CDC14A: variants seen among roughly 807,000 people sequenced by gnomAD.
CDC14A encodes the protein dual specificity protein phosphatase CDC14A.
Under a neutral mutation model 74.4 loss-of-function variants are expected in CDC14A, and 53 were observed. The observed-to-expected ratio is 0.71, with a 90% confidence interval of 0.57 to 0.89. CDC14A has a LOEUF of 0.89. Ranked by LOEUF, CDC14A falls within the 40% of genes least tolerant of loss-of-function variation. The pLI is 0.00. For synonymous variants in CDC14A, 247 were observed against 258.4 expected (o/e 0.96, Z 0.43); for missense variants, 646 against 713.7 (o/e 0.91, Z 1.08).
At chr1:100,495,569 G>A (rs1221865730) in intron 12 of CDC14A, among the ~76,000 whole-genome samples, 1 of 152,054 alleles carries the variant, frequency 6.6e-6, no homozygotes, top group African/African-American at 2.4e-5. Flanking sequence ...CAATATACTG[G>A]GTGGCAAGGC....
At chr1:100,507,494 C>A (rs1649340412) in intron 15 of CDC14A, among the ~76,000 whole-genome samples, 1 of 151,140 alleles carries the variant, frequency 6.6e-6, no homozygotes, top group Admixed American at 6.6e-5. Flanking sequence ...GAGAGAGTGT[C>A]TTGCTATGTT....
At position 100,353,771 on chromosome 1, in the gene CDC14A, A is replaced by G; in HGVS notation, c.59A>G (p.Tyr20Cys). The G allele has an allele frequency of 6.3e-7, 1 of 1,578,394 alleles. No individual in the cohort carries two copies. The highest frequency in any genetic ancestry group is 1.1e-5 in the South Asian group (1 of 89,122). ...TAAACTTGTCTTTCAGATCGGTTATATTTTGCTACTTTAAGGAATAGACCA... is the reference window on the plus strand; with the variant it reads ...TAAACTTGTCTTTCAGATCGGTTATGTTTTGCTACTTTAAGGAATAGACCA... The part of the protein sequence containing the change: ...GACEFMKDRL[Y>C]FATLRNRPKS... The change falls in exon 2 of 16, where the codon TAT becomes TGT. Residue 20 changes from tyrosine to cysteine, a missense_variant. By Grantham distance (194) the Tyr-to-Cys change is radical. Coordinates refer to ENST00000336454, the MANE Select transcript of CDC14A (RefSeq NM_003672.4).
intron 7 of CDC14A, 30 bp downstream of exon 7, chr1:100,443,026 A>G: frequency 7.2e-7 from 1 of 1,397,180 alleles, no homozygotes; most frequent in Non-Finnish European, 1.0e-6. Flanking sequence ...TTTACAAAAC[A>G]TAATTTCATG....
At chr1:100,391,040 C>A (rs1337953719) in intron 4 of CDC14A, 2 of 583,846 alleles carry the variant, frequency 3.4e-6, no homozygotes, top group Non-Finnish European at 6.3e-6. Context: ...AATCTTGAAA[C>A]TGCAATATGT....
chr1:100,499,598 C>A, intron 15 of CDC14A: 1 of 611,738 alleles, frequency 1.6e-6, no homozygotes, highest in Non-Finnish European at 2.6e-6. Context: ...TGTTTCCAAT[C>A]ACTCTGAATA....
chr1:100,428,714 A>G (rs1051772661), intron 5 of CDC14A, among the ~76,000 whole-genome samples: 5 of 152,206 alleles, frequency 3.3e-5, no homozygotes, highest in African/African-American at 1.2e-4. Context: ...TGCTCACAAA[A>G]CAGTATTTGT....
intron 5 of CDC14A, among the ~76,000 whole-genome samples, chr1:100,432,125 G>T (rs563505392): frequency 2.0e-5 from 3 of 152,240 alleles, no homozygotes; most frequent in Admixed American, 2.0e-4. Flanking sequence ...TTAGGTACAG[G>T]TCACGTTCAA....
At chr1:100,390,879 C>T (rs778332362) in intron 4 of CDC14A, 55 bp downstream of exon 4, 9 of 1,280,688 alleles carry the variant, frequency 7.0e-6, no homozygotes, top group Admixed American at 1.7e-5. Context: ...AATGCTAACA[C>T]TGTCAAAGAA....
At chr1:100,497,495 T>C (rs1194046025) in intron 13 of CDC14A, among the ~76,000 whole-genome samples, 2 of 152,196 alleles carry the variant, frequency 1.3e-5, no homozygotes. Flanking sequence ...ATTTAAACAG[T>C]GAAGTGACAT....
intron 2 of CDC14A, among the ~76,000 whole-genome samples, chr1:100,375,695 T>C (rs1229798992): frequency 7.2e-5 from 11 of 152,218 alleles, no homozygotes; most frequent in Non-Finnish European, 2.9e-5. Flanking sequence ...TTTACACTGT[T>C]GGTAGGACTG....
chr1:100,462,464 T>C, intron 8 of CDC14A, 187 bp from the exon 9 acceptor site: 1 of 585,276 alleles, frequency 1.7e-6, no homozygotes, highest in Admixed American at 3.0e-5. Flanking sequence ...CTTTTTAACC[T>C]CCTGTGGTGC....
intron 4 of CDC14A, among the ~76,000 whole-genome samples, chr1:100,420,616 G>A (rs569219614): frequency 1.1e-4 from 16 of 152,026 alleles, no homozygotes; most frequent in African/African-American, 3.1e-4. Context: ...ACTCAGTGGC[G>A]GGTTTTCCCA....
intron 2 of CDC14A, among the ~76,000 whole-genome samples, chr1:100,373,550 T>TA (rs202119985): frequency 2.0e-5 from 3 of 152,256 alleles, no homozygotes; most frequent in Non-Finnish European, 4.4e-5. Flanking sequence ...CTTCAATTTG[T>TA]AAAAAAATGC....
At chr1:100,447,509 T>C (rs1267168985) in intron 7 of CDC14A, among the ~76,000 whole-genome samples, 1 of 152,240 alleles carries the variant, frequency 6.6e-6, no homozygotes, top group East Asian at 1.9e-4. Context: ...TCAAAACATT[T>C]GTACTTCTCC....
intron 2 of CDC14A, among the ~76,000 whole-genome samples, chr1:100,370,546 A>G (rs1353866415): frequency 1.3e-5 from 2 of 152,192 alleles, no homozygotes; most frequent in Non-Finnish European, 2.9e-5. Context: ...CAGCTATCCC[A>G]GCACCATTTA....
Position 100,397,031 on chromosome 1 carries a change from AT to A in CDC14A, c.309+6221del, listed in dbSNP as rs200147704. Among the ~76,000 whole-genome samples, 1,304 of 146,244 alleles carry A rather than the reference AT, an allele frequency of 8.9e-3. 2 individuals are homozygous for A. Among genetic ancestry groups the A allele is most frequent in the Non-Finnish European group, 0.011 (720 of 65,836 alleles). On this transcript the variant is annotated intron_variant, in intron 4 of 15. Coordinates refer to ENST00000336454, the MANE Select transcript of CDC14A (RefSeq NM_003672.4). ...ATAAACGTTCTTAAAACATTATGAG[AT>A]TTTTTTTTTTTTTAAAGCTCATCAG...
At chr1:100,461,065 G>C (rs941273837) in intron 8 of CDC14A, among the ~76,000 whole-genome samples, 1 of 152,286 alleles carries the variant, frequency 6.6e-6, no homozygotes, top group Non-Finnish European at 1.5e-5. Context: ...AAAGTAAAAA[G>C]GCAACACTGA....
chr1:100,494,893 C>CA lies in CDC14A; in HGVS notation c.1214dup (p.Arg406GlufsTer12). On this transcript the variant is annotated frameshift_variant, in exon 12 of 16. Coordinates refer to ENST00000336454, the MANE Select transcript of CDC14A (RefSeq NM_003672.4). LOFTEE classifies it high-confidence loss of function. ...AGACAAACTACGTGCCTTAAAAAGT[C>CA]AGAGACAGCCACGTACCTCACCATC... 1 of 1,612,378 alleles carries CA rather than the reference C, an allele frequency of 6.2e-7. No homozygotes were observed. The highest frequency in any genetic ancestry group is 8.5e-7 in the Non-Finnish European group (1 of 1,178,510).
chr1:100,468,947 C>T (rs1042422171), intron 10 of CDC14A, among the ~76,000 whole-genome samples: 19 of 151,300 alleles, frequency 1.3e-4, no homozygotes, highest in African/African-American at 2.9e-4. Context: ...TTTGTAGAGA[C>T]GGGGGCCTCA....
Sources: allele counts gnomAD v4.1 joint callset (sites outside exome capture counted in the v4.1 genomes callset), GRCh38; gene constraint gnomAD v4.1.1; transcripts MANE v1.5; gene names NCBI Gene and HGNC (gene_info 2026-07-23, HGNC 2026-07-21).